The following TLR3 variants were observed in gnomAD, a reference collection of about 807,000 sequenced individuals.
TLR3 encodes the protein toll-like receptor 3.
In TLR3, 43 loss-of-function variants were observed where a neutral mutation model predicts 66.4. That is an observed-to-expected ratio of 0.65 (90% CI 0.51 to 0.83). TLR3 has a LOEUF of 0.83. Among genes scored for constraint, TLR3 ranks in the 40% least tolerant of loss-of-function variants. TLR3 has a pLI of 0.00. For synonymous variants in TLR3, 397 were observed against 397.2 expected, an observed-to-expected ratio of 1.00 and a Z score of 0.01; for missense variants, 982 against 1,044.6, an observed-to-expected ratio of 0.94 and a Z score of 0.83.
chr4:186,082,291 G>A lies in TLR3; in HGVS notation c.634-29G>A, dbSNP rs761471687. ...TTACAGAGTCTGTGTTCTTTTGATT[G>A]TTAACCTCTTTTTTTTTCCTACCTT... On this transcript the variant is annotated intron_variant, in intron 3 of 4. Coordinates refer to ENST00000296795, the MANE Select transcript of TLR3 (RefSeq NM_003265.3). The A allele has an allele frequency of 1.4e-5, 17 of 1,206,088 alleles. No homozygotes were observed. In the African/African-American group the frequency reaches 2.8e-4, roughly 20 times the overall value. The allele number at this position is 1,206,088 out of a possible 1,614,324, so 74.7% of individuals were successfully genotyped here. A position where few individuals can be genotyped will look rare whatever the true frequency, so the allele number is the denominator to read the frequency against.
intron 3 of TLR3, among the ~76,000 whole-genome samples, chr4:186,080,716 C>T (rs74819744): frequency 5.9e-5 from 9 of 152,208 alleles, no homozygotes; most frequent in South Asian, 2.1e-4. Flanking sequence ...CTCAGCCTCC[C>T]GAGTAGCTGG....
At chr4:186,073,268 C>G (rs560985421) in intron 1 of TLR3, among the ~76,000 whole-genome samples, 1 of 152,192 alleles carries the variant, frequency 6.6e-6, no homozygotes, top group South Asian at 2.1e-4. Context: ...CCCTATAATC[C>G]CAGCACTTTG....
At position 186,083,763 on chromosome 4, in the gene TLR3, A is replaced by T. The variant is rs1366409023; in HGVS notation, c.2077A>T (p.Thr693Ser). ...YHGFPVRLFD[T>S]SSCKDSAPFE... ...TGGGTTCCCAGTGAGACTTTTTGATACATCATCTTGCAAAGACAGTGCCCC... is the reference window on the plus strand; with the variant it reads ...TGGGTTCCCAGTGAGACTTTTTGATTCATCATCTTGCAAAGACAGTGCCCC... The change falls in exon 4 of 5, where the codon ACA (threonine) becomes TCA (serine). Residue 693 changes from threonine (T) to serine (S), a missense_variant. Thr to Ser is a moderately conservative substitution (Grantham distance 58). This residue lies in a region of TLR3 where 666 missense variants were observed against 709.0 expected (regional missense o/e 0.94). Coordinates refer to ENST00000296795, the MANE Select transcript of TLR3 (RefSeq NM_003265.3). This position sits in a 1 kb window ranked among gnomAD's most constrained non-coding sequence, Gnocchi z 4.0. 2.5e-6 allele frequency: 4 copies of T among 1,613,844 alleles called. No individual in the cohort carries two copies. Among genetic ancestry groups the T allele is most frequent in the Non-Finnish European group, 2.5e-6 (3 of 1,179,982 alleles).
At chr4:186,080,704 G>A (rs1421150980) in intron 3 of TLR3, among the ~76,000 whole-genome samples, 1 of 152,108 alleles carries the variant, frequency 6.6e-6, no homozygotes, top group African/African-American at 2.4e-5. Flanking sequence ...CGATTCTCCT[G>A]TCTCAGCCTC....
At chr4:186,078,437 A>C (rs1194292482) in intron 2 of TLR3, among the ~76,000 whole-genome samples, 1 of 152,126 alleles carries the variant, frequency 6.6e-6, no homozygotes, top group African/African-American at 2.4e-5. Context: ...TCTGATACTT[A>C]TTTTCAAGGT....
chr4:186,075,796 C>CA (rs1185929715), intron 1 of TLR3, among the ~76,000 whole-genome samples: 2 of 151,870 alleles, frequency 1.3e-5, no homozygotes, highest in African/African-American at 4.8e-5. Context: ...TTATAGCTGA[C>CA]AGTTTTAGGA....
rs993308042 is a variant in TLR3 at position 186,088,043 on chromosome 4, G to A, written c.*3170G>A. 2 of 152,168 alleles carry A rather than the reference G, an allele frequency of 1.3e-5. No homozygotes were observed. Among genetic ancestry groups the A allele is most frequent in the Non-Finnish European group, 2.9e-5 (2 of 68,036 alleles). The allele number at this position is 152,168 out of a possible 1,614,324, so 9.4% of individuals were successfully genotyped here. On this transcript the variant is annotated 3_prime_UTR_variant, in exon 5 of 5. Coordinates refer to ENST00000296795, the MANE Select transcript of TLR3 (RefSeq NM_003265.3). ...GATATGTAAATTATATATTCACAAA[G>A]CCATTAAAAATTGTATTTTTTGAGC...
In TLR3 at chr4:186,083,862, G is replaced by T; in HGVS notation, c.2176G>T (p.Glu726Ter). The change falls in exon 4 of 5, where the codon GAG (glutamate) becomes TAG (stop). Residue 726 changes from glutamate (E) to a stop codon, truncating the protein, a stop_gained. Coordinates refer to ENST00000296795, the MANE Select transcript of TLR3 (RefSeq NM_003265.3). LOFTEE classifies it high-confidence loss of function. This position sits in a 1 kb window ranked among gnomAD's most constrained non-coding sequence, Gnocchi z 4.0. ...CTTTATTGTACTTCTCATCCACTTT[G>T]AGGGCTGGAGGATATCTTTTTATTG... is the stretch of plus-strand genomic sequence containing the variant. ...FIFIVLLIHF[E>*]GWRISFYWNV... 6.2e-7 allele frequency: 1 copy of T among 1,614,124 alleles called. No homozygotes were observed. Among genetic ancestry groups the T allele is most frequent in the Non-Finnish European group, 8.5e-7 (1 of 1,180,022 alleles).
At chr4:186,076,504 T>C (rs2099302479) in intron 1 of TLR3, 109 bp from the exon 2 acceptor site, 3 of 1,039,798 alleles carry the variant, frequency 2.9e-6, no homozygotes, top group Non-Finnish European at 4.4e-6. Flanking sequence ...AGTAATAACA[T>C]CATACATGGT....
chr4:186,078,783 A>G lies in TLR3; in HGVS notation c.442-57A>G. ...TATTTTTCAGATGTACTTACATTTAAAAGAACTGTTTTTGACAGCAAGACT... is the reference window on the plus strand; with the variant it reads ...TATTTTTCAGATGTACTTACATTTAGAAGAACTGTTTTTGACAGCAAGACT... On this transcript the variant is annotated intron_variant, in intron 2 of 4. Coordinates refer to ENST00000296795, the MANE Select transcript of TLR3 (RefSeq NM_003265.3). 2.0e-6 allele frequency: 3 copies of G among 1,480,714 alleles called. No homozygotes were observed. In the South Asian group the frequency reaches 3.5e-5, roughly 17 times the overall value. The allele number at this position is 1,480,714 out of a possible 1,614,324, so 91.7% of individuals were successfully genotyped here.
chr4:186,077,093 T>C, intron 2 of TLR3, 33 bp downstream of exon 2: 1 of 1,590,182 alleles, frequency 6.3e-7, no homozygotes, highest in South Asian at 1.1e-5. Flanking sequence ...TACTAATGTT[T>C]TTAAGTCAGT....
chr4:186,077,026 A>G lies in TLR3; in HGVS notation c.407A>G (p.Gln136Arg). 1 of 1,614,132 alleles carries G rather than the reference A, an allele frequency of 6.2e-7. No individual in the cohort carries two copies. Among genetic ancestry groups the G allele is most frequent in the Non-Finnish European group, 8.5e-7 (1 of 1,180,032 alleles). The change falls in exon 2 of 5, where the codon CAG becomes CGG. Residue 136 changes from glutamine to arginine, a missense_variant. By Grantham distance (43) the Gln-to-Arg change is conservative. Coordinates refer to ENST00000296795, the MANE Select transcript of TLR3 (RefSeq NM_003265.3). ...CTCCATCTCATGTCCAACTCAATCC[A>G]GAAAATTAAAAATAATCCCTTTGTC... ...TELHLMSNSI[Q>R]KIKNNPFVKQ...
At position 186,083,362 on chromosome 4, in the gene TLR3, A is replaced by G; in HGVS notation, c.1676A>G (p.Lys559Arg). 1 of 1,614,192 alleles carries G rather than the reference A, an allele frequency of 6.2e-7. No individual in the cohort carries two copies. The highest frequency in any genetic ancestry group is 8.5e-7 in the Non-Finnish European group (1 of 1,180,030). Residue 559 changes from lysine (K) to arginine (R), a missense_variant, in exon 4 of 5, where the codon AAG becomes AGG. Lys to Arg is a conservative substitution (Grantham distance 26). Transcript: ENST00000296795. This position sits in a 1 kb window ranked among gnomAD's most constrained non-coding sequence, Gnocchi z 4.0. ...CCTGGTGGTCCCATTTATTTCCTAA[A>G]GGGTCTGTCTCACCTCCACATCCTT... The part of the protein sequence containing the change: ...ANPGGPIYFL[K>R]GLSHLHILNL...
At position 186,085,008 on chromosome 4, in the gene TLR3, C is replaced by T. The variant is rs1403910445; in HGVS notation, c.*135C>T. 2 of 738,906 alleles carry T rather than the reference C, an allele frequency of 2.7e-6. No homozygotes were observed. Among genetic ancestry groups the T allele is most frequent in the African/African-American group, 3.6e-5 (2 of 56,304 alleles). 45.8% of individuals were successfully genotyped at this position (738,906 alleles called of 1,614,324 possible). A position where few individuals can be genotyped will look rare whatever the true frequency, so the allele number is the denominator to read the frequency against. Reference sequence around the variant, plus strand: ...AAATGATTATATTCTATCACAATTACATCTCTTCTAGGAAAATGTGTCTCC... The same window carrying T: ...AAATGATTATATTCTATCACAATTATATCTCTTCTAGGAAAATGTGTCTCC... On this transcript the variant is annotated 3_prime_UTR_variant, in exon 5 of 5. Transcript: ENST00000296795.
chr4:186,084,663 A>G lies in TLR3; in HGVS notation c.2505A>G (p.Ala835=), dbSNP rs766824866. 3 of 1,610,978 alleles carry G rather than the reference A, an allele frequency of 1.9e-6. No homozygotes were observed. Among genetic ancestry groups the G allele is most frequent in the East Asian group, 2.2e-5 (1 of 44,846 alleles). The part of the protein sequence containing the change: ...PLCKRFKVHH[A]VQQAIEQNLD... ...TACTTAGATTCAAGGTACATCATGC[A>G]GTTCAACAAGCTATTGAACAAAATC... The change falls in exon 5 of 5, where the codon GCA becomes GCG. Residue 835 remains alanine (A), a synonymous_variant. Coordinates refer to ENST00000296795, the MANE Select transcript of TLR3 (RefSeq NM_003265.3).
intron 1 of TLR3, among the ~76,000 whole-genome samples, chr4:186,073,412 C>G (rs1268972020): frequency 6.6e-6 from 1 of 151,960 alleles, no homozygotes; most frequent in East Asian, 1.9e-4. Context: ...CCCAGCTACT[C>G]GGGAGCCTGA....
chr4:186,074,798 C>A (rs185256516), intron 1 of TLR3, among the ~76,000 whole-genome samples: 2 of 150,742 alleles, frequency 1.3e-5, no homozygotes, highest in East Asian at 3.9e-4. Flanking sequence ...TAATTTTCTT[C>A]TTTTTTTTTA....
rs1417368302 is a variant in TLR3, at chr4:186,085,265, A to G, written c.*392A>G. ...ATGAAAGATAATTGTTTCAATGGGT[A>G]TAATGCTATTTCCTTTGTAAAAGAG... On this transcript the variant is annotated 3_prime_UTR_variant, in exon 5 of 5. Transcript: ENST00000296795. The G allele has an allele frequency of 5.2e-6, 1 of 192,702 alleles. No homozygotes were observed. The highest frequency in any genetic ancestry group is 5.5e-5 in the Admixed American group (1 of 18,134). The allele number at this position is 192,702 out of a possible 1,614,324, so 11.9% of individuals were successfully genotyped here.
In TLR3 at chr4:186,083,959, C is replaced by G. The variant is rs778697072; in HGVS notation, c.2273C>G (p.Ala758Gly). 1.9e-6 allele frequency: 3 copies of G among 1,614,028 alleles called. No individual in the cohort carries two copies. The highest frequency in any genetic ancestry group is 2.5e-6 in the Non-Finnish European group (3 of 1,179,996). The change falls in exon 4 of 5, where the codon GCA becomes GGA. Residue 758 changes from alanine to glycine, a missense_variant. This residue lies in a region of TLR3 where 666 missense variants were observed against 709.0 expected (regional missense o/e 0.94). Transcript: ENST00000296795. The surrounding 1 kb of genome is among the most constrained non-coding windows in gnomAD (Gnocchi z 4.0). Reference protein sequence around the residue: ...DRQTEQFEYAAYIIHAYKDKD... With the variant: ...DRQTEQFEYAGYIIHAYKDKD... ...CAGACAGAACAGTTTGAATATGCAG[C>G]ATATATAATTCATGCCTATAAAGAT...
Sources: allele counts gnomAD v4.1 joint callset (sites outside exome capture counted in the v4.1 genomes callset), GRCh38; gene constraint gnomAD v4.1.1; regional missense constraint gnomAD v4.1.1; non-coding constraint Gnocchi (gnomAD v3.1); transcripts MANE v1.5; gene names NCBI Gene and HGNC (gene_info 2026-07-23, HGNC 2026-07-21).